The following SEM1 variants were observed in gnomAD, a reference collection of about 807,000 sequenced individuals.
SEM1 encodes the protein 26S proteasome complex subunit SEM1.
In SEM1, 3 loss-of-function variants were observed where a neutral mutation model predicts 12.7. The observed-to-expected ratio is 0.24, with a 90% CI of 0.11 to 0.61. SEM1 has a LOEUF of 0.61. SEM1 is among the 20% of genes least tolerant of loss of function. The pLI is 0.88. For synonymous variants in SEM1, 30 were observed against 27.8 expected (o/e 1.08, Z -0.25); for missense variants, 59 against 81.3 (o/e 0.73, Z 1.06).
chr7:96,650,430 C>T (rs1808938472), intron 2 of SEM1: 3 of 718,264 alleles, frequency 4.2e-6, no homozygotes, highest in South Asian at 1.5e-5. Context: ...GGGCACCTCG[C>T]CCAATGTGTC....
At chr7:96,484,156 A>C (rs1041086480) in intron 3 of SEM1, among the ~76,000 whole-genome samples, 2 of 152,200 alleles carry the variant, frequency 1.3e-5, no homozygotes, top group Admixed American at 6.5e-5. Context: ...CCAAAAAAAG[A>C]TAGCTAGTAA....
chr7:96,541,811 G>T (rs115887749), intron 2 of SEM1, among the ~76,000 whole-genome samples: 3,116 of 151,546 alleles, frequency 0.021, 93 homozygotes, highest in African/African-American at 0.071. Flanking sequence ...TAAGCCAGCT[G>T]TCCCAGCACC....
chr7:96,492,691 A>G (rs1035020111), intron 1 of SEM1, among the ~76,000 whole-genome samples: 9 of 144,730 alleles, frequency 6.2e-5, no homozygotes, highest in Admixed American at 3.7e-4. Flanking sequence ...TTGGCCTCCC[A>G]AAGTACTAGG....
chr7:96,601,624 G>A (rs1258002408), intron 2 of SEM1, among the ~76,000 whole-genome samples: 1 of 152,142 alleles, frequency 6.6e-6, no homozygotes, highest in East Asian at 1.9e-4. Flanking sequence ...TGAGGGACTG[G>A]ATGGTGTAGG....
chr7:96,489,331 T>G (rs1184033560), intron 1 of SEM1, among the ~76,000 whole-genome samples: 1 of 152,166 alleles, frequency 6.6e-6, no homozygotes, highest in Non-Finnish European at 1.5e-5. Context: ...GAGTGCTTGT[T>G]AAGCTACGAA....
chr7:96,520,332 A>G (rs1208325520), intron 2 of SEM1, among the ~76,000 whole-genome samples: 1 of 152,152 alleles, frequency 6.6e-6, no homozygotes, highest in Non-Finnish European at 1.5e-5. Context: ...TCTCATCTGT[A>G]GAATTGGGGA....
At chr7:96,614,597 C>G (rs1019801360) in intron 2 of SEM1, among the ~76,000 whole-genome samples, 3 of 152,164 alleles carry the variant, frequency 2.0e-5, no homozygotes, top group African/African-American at 7.2e-5. Context: ...GTTTATTCAG[C>G]CTTCGTTTCT....
intron 1 of SEM1, among the ~76,000 whole-genome samples, chr7:96,704,966 G>A (rs1790401511): frequency 6.6e-6 from 1 of 152,124 alleles, no homozygotes. Context: ...ACTAAATGCT[G>A]GCAGTTTTTC....
chr7:96,488,556 A>G (rs901437543), intron 1 of SEM1, among the ~76,000 whole-genome samples: 6 of 152,150 alleles, frequency 3.9e-5, no homozygotes, highest in Non-Finnish European at 2.9e-5. Flanking sequence ...AATGTTATCA[A>G]TGCTGCCAGG....
At chr7:96,583,937 G>A (rs986456625) in intron 2 of SEM1, among the ~76,000 whole-genome samples, 40 of 151,806 alleles carry the variant, frequency 2.6e-4, no homozygotes, top group African/African-American at 9.4e-4. Flanking sequence ...TTGCCAGTCT[G>A]TGTCTTTTAA....
upstream of SEM1, among the ~76,000 whole-genome samples, chr7:96,500,000 G>A (rs58840883): frequency 0.016 from 2,502 of 152,226 alleles, 76 homozygotes; most frequent in African/African-American, 0.056. Context: ...ATAAAGGATA[G>A]TTACTTAAAT....
downstream of SEM1, among the ~76,000 whole-genome samples, chr7:96,671,471 T>C (rs1789315173): frequency 6.6e-6 from 1 of 152,116 alleles, no homozygotes; most frequent in African/African-American, 2.4e-5. Flanking sequence ...ATGAGGACTT[T>C]AGAATCTAAT....
At chr7:96,577,608 G>A (rs1806249294) in intron 2 of SEM1, among the ~76,000 whole-genome samples, 1 of 152,036 alleles carries the variant, frequency 6.6e-6, no homozygotes, top group Non-Finnish European at 1.5e-5. Flanking sequence ...TGGATTTGGG[G>A]ATGGATTTCA....
At chr7:96,677,287 C>T (rs1038300040) in intron 2 of SEM1, among the ~76,000 whole-genome samples, 2 of 152,150 alleles carry the variant, frequency 1.3e-5, no homozygotes, top group Non-Finnish European at 2.9e-5. Context: ...GGTCTCCCGA[C>T]ATCAAGCTTG....
chr7:96,659,201 C>T (rs1314955287), intron 2 of SEM1, among the ~76,000 whole-genome samples: 2 of 151,992 alleles, frequency 1.3e-5, no homozygotes. Context: ...GAAATCCACA[C>T]CTGGATAGGT....
intron 2 of SEM1, among the ~76,000 whole-genome samples, chr7:96,636,376 C>T (rs1808426177): frequency 6.6e-6 from 1 of 151,876 alleles, no homozygotes; most frequent in Non-Finnish European, 1.5e-5. Flanking sequence ...AGCAACGTTA[C>T]TAGAGTGGTA....
intron 2 of SEM1, among the ~76,000 whole-genome samples, chr7:96,608,957 C>T (rs1221577787): frequency 6.6e-6 from 1 of 152,120 alleles, no homozygotes; most frequent in East Asian, 1.9e-4. Flanking sequence ...ATTGCTGGTT[C>T]ACATGGTAAA....
intron 2 of SEM1, among the ~76,000 whole-genome samples, chr7:96,666,501 C>CTCAT (rs1386476183): frequency 5.9e-5 from 9 of 152,210 alleles, no homozygotes; most frequent in African/African-American, 2.2e-4. Flanking sequence ...CAGCTCATAG[C>CTCAT]AGGTACTCAA....
exon 4 of SEM1, chr7:96,481,923 G>A (rs1802558358): frequency 6.6e-6 from 1 of 152,086 alleles, no homozygotes; most frequent in South Asian, 2.1e-4. Flanking sequence ...CAACTTTTCT[G>A]AATATTATGT....
Sources: gnomAD v4.1 joint callset for allele counts (sites outside exome capture counted in the v4.1 genomes callset) on GRCh38, gnomAD v4.1.1 for gene constraint, MANE v1.5 for transcripts, NCBI Gene and HGNC (gene_info 2026-07-23, HGNC 2026-07-21) for gene names.